ZNF76: variants seen among roughly 807,000 people sequenced by gnomAD.
ZNF76 encodes the protein zinc finger protein 76, also known as zinc finger protein 523.
A neutral mutation model predicts 66.9 loss-of-function variants in ZNF76; 66 were observed. That is an observed-to-expected ratio of 0.99 (90% confidence interval 0.81 to 1.21). The LOEUF is 1.21. Among genes scored for constraint, ZNF76 ranks in the 50% most tolerant of loss-of-function variants. The pLI is 0.00. For synonymous variants in ZNF76, 275 were observed against 296.1 expected (o/e 0.93, Z 0.73); for missense variants, 729 against 760.3 (o/e 0.96, Z 0.48).
intron 1 of ZNF76, among the ~76,000 whole-genome samples, chr6:35,280,620 G>A (rs1252613617): frequency 6.7e-6 from 1 of 149,458 alleles, no homozygotes; most frequent in African/African-American, 2.4e-5. Context: ...CACATTGTGA[G>A]TTCTGTTGAG....
intron 1 of ZNF76, among the ~76,000 whole-genome samples, chr6:35,262,526 C>T (rs1431799246): frequency 6.6e-6 from 1 of 152,204 alleles, no homozygotes; most frequent in African/African-American, 2.4e-5. Flanking sequence ...TCCCACCTCA[C>T]TGGCACTTTA....
intron 12 of ZNF76, 167 bp downstream of exon 12, chr6:35,294,082 T>A: frequency 1.3e-6 from 1 of 772,258 alleles, no homozygotes; most frequent in Non-Finnish European, 2.0e-6. Flanking sequence ...CTCTTACCTT[T>A]AAAAGCAGTT....
chr6:35,273,195 TCTCA>T (rs1787389607), intron 1 of ZNF76, among the ~76,000 whole-genome samples: 3 of 147,508 alleles, frequency 2.0e-5, no homozygotes, highest in African/African-American at 7.4e-5. Flanking sequence ...AAAAAACGAG[TCTCA>T]CTCTGTTGCC....
chr6:35,276,309 A>G (rs981936351), intron 1 of ZNF76, among the ~76,000 whole-genome samples: 4 of 152,220 alleles, frequency 2.6e-5, no homozygotes, highest in African/African-American at 9.6e-5. Context: ...TTAGAAGCCA[A>G]TTCTGTAGAC....
At chr6:35,280,321 A>T (rs1391444857) in intron 1 of ZNF76, among the ~76,000 whole-genome samples, 2 of 152,220 alleles carry the variant, frequency 1.3e-5, no homozygotes, top group African/African-American at 4.8e-5. Flanking sequence ...TGATGGAGCC[A>T]CTGCACTCCA....
At position 35,293,732 on chromosome 6, in the gene ZNF76, C is replaced by G. The variant is rs770486131; in HGVS notation, c.1330-19C>G. ...CCCTCCACTGACACTGCCAGCTCATCTTCCCCTCCTGTTGGCAGGTCAGCC... is the reference window on the plus strand; with the variant it reads ...CCCTCCACTGACACTGCCAGCTCATGTTCCCCTCCTGTTGGCAGGTCAGCC... On this transcript the variant is annotated intron_variant, in intron 11 of 13. Coordinates refer to ENST00000373953, the MANE Select transcript of ZNF76 (RefSeq NM_003427.5). The G allele has an allele frequency of 1.1e-5, 18 of 1,612,050 alleles. No individual in the cohort carries two copies. Among genetic ancestry groups the G allele is most frequent in the Non-Finnish European group, 1.4e-5 (17 of 1,178,766 alleles).
intron 1 of ZNF76, among the ~76,000 whole-genome samples, chr6:35,265,703 C>T (rs541833376): frequency 5.9e-5 from 9 of 151,826 alleles, no homozygotes; most frequent in Non-Finnish European, 1.2e-4. Flanking sequence ...ACACAAAGGC[C>T]CTGAGGCAGG....
At chr6:35,294,027 C>A in intron 12 of ZNF76, 112 bp downstream of exon 12, 1 of 1,330,408 alleles carries the variant, frequency 7.5e-7, no homozygotes. Flanking sequence ...CAAAGATTCC[C>A]CACAAAAGAA....
rs974720142 is a variant in ZNF76 at position 35,278,126 on chromosome 6, G to T, written c.-96-2930G>T. On this transcript the variant is annotated intron_variant, in intron 1 of 13. Transcript: ENST00000373953. ...CCGCCTCAACTTCTCAAAGTGCTGGGATTACAGGTGTGAGCCACCACGCCC... is the reference window on the plus strand; with the variant it reads ...CCGCCTCAACTTCTCAAAGTGCTGGTATTACAGGTGTGAGCCACCACGCCC... Among the ~76,000 whole-genome samples, 73 of 151,988 alleles carry T rather than the reference G, an allele frequency of 4.8e-4. 1 individual carries two copies. Among genetic ancestry groups the T allele is most frequent in the African/African-American group, 1.7e-3 (70 of 41,364 alleles).
intron 1 of ZNF76, among the ~76,000 whole-genome samples, chr6:35,268,313 G>C (rs1786457019): frequency 6.6e-6 from 1 of 152,158 alleles, no homozygotes; most frequent in Admixed American, 6.5e-5. Context: ...TTATTCTTGT[G>C]TCATTTAGAT....
rs1365252551 is a variant in ZNF76, at chr6:35,286,118, C to A, written c.74-10C>A. The A allele has an allele frequency of 6.2e-7, 1 of 1,613,738 alleles. No homozygotes were observed. The highest frequency in any genetic ancestry group is 8.5e-7 in the Non-Finnish European group (1 of 1,179,646). On this transcript the variant is annotated splice_polypyrimidine_tract_variant and intron_variant, in intron 2 of 13. Coordinates refer to ENST00000373953, the MANE Select transcript of ZNF76 (RefSeq NM_003427.5). Reference sequence around the variant, plus strand: ...CCTGGCCCATTTCTCTCTATTTCCACTCTTAACAGGAGAGAAGCTTCTTGA... The same window carrying A: ...CCTGGCCCATTTCTCTCTATTTCCAATCTTAACAGGAGAGAAGCTTCTTGA...
Position 35,294,270 on chromosome 6 carries a change from C to T in ZNF76, c.1495-186C>T, listed in dbSNP as rs538327783. 1.0e-5 allele frequency: 6 copies of T among 597,220 alleles called. No homozygotes were observed. In the East Asian group the frequency reaches 1.4e-4, roughly 14 times the overall value. The allele number at this position is 597,220 out of a possible 1,614,324, so 37.0% of individuals were successfully genotyped here. On this transcript the variant is annotated intron_variant, in intron 12 of 13. Coordinates refer to ENST00000373953, the MANE Select transcript of ZNF76 (RefSeq NM_003427.5). ...TTCAAAATCCCTAAATTAAATTGGG[C>T]TCTAAGTTGGGAGGAAACCCAGCCT...
chr6:35,269,345 C>G (rs2150343733), intron 1 of ZNF76, among the ~76,000 whole-genome samples: 1 of 148,566 alleles, frequency 6.7e-6, no homozygotes, highest in South Asian at 2.2e-4. Flanking sequence ...AGTTCAGAAT[C>G]AGAAGGATTT....
rs1790562295 is a variant in ZNF76, at chr6:35,292,571, T to G, written c.949T>G (p.Cys317Gly). The G allele has an allele frequency of 6.2e-7, 1 of 1,613,416 alleles. No homozygotes were observed. The highest frequency in any genetic ancestry group is 8.5e-7 in the Non-Finnish European group (1 of 1,180,018). ...GTCCCCAGGGGAGAAGCCATACGTTTGCACGGTGCCAGGCTGCGGGAAACG... is the reference window on the plus strand; with the variant it reads ...GTCCCCAGGGGAGAAGCCATACGTTGGCACGGTGCCAGGCTGCGGGAAACG... Reference protein sequence around the residue: ...RIHTGEKPYVCTVPGCGKRFT... With the variant: ...RIHTGEKPYVGTVPGCGKRFT... Residue 317 changes from cysteine (C) to glycine (G), a missense_variant, in exon 10 of 14, where the codon TGC becomes GGC. By Grantham distance (159) the Cys-to-Gly change is radical. Coordinates refer to ENST00000373953, the MANE Select transcript of ZNF76 (RefSeq NM_003427.5). The surrounding 1 kb of genome is among the most constrained non-coding windows in gnomAD (Gnocchi z 4.7).
chr6:35,290,557 A>T, intron 6 of ZNF76, 84 bp from the exon 7 acceptor site: 2 of 1,548,664 alleles, frequency 1.3e-6, no homozygotes, highest in Non-Finnish European at 1.8e-6. Context: ...TACAGGAGGG[A>T]AGAGAATCAG....
chr6:35,262,805 A>T (rs1785443371), intron 1 of ZNF76, among the ~76,000 whole-genome samples: 1 of 152,040 alleles, frequency 6.6e-6, no homozygotes, highest in Admixed American at 6.6e-5. Context: ...TATAACTTGC[A>T]CACCCTCCCA....
At chr6:35,276,306 C>G (rs1026092154) in intron 1 of ZNF76, among the ~76,000 whole-genome samples, 5 of 152,162 alleles carry the variant, frequency 3.3e-5, no homozygotes, top group African/African-American at 1.2e-4. Context: ...AGATTAGAAG[C>G]CAATTCTGTA....
chr6:35,278,398 A>G lies in ZNF76; in HGVS notation c.-96-2658A>G, dbSNP rs1372406099. Among the ~76,000 whole-genome samples, 4 of 152,218 alleles carry G rather than the reference A, an allele frequency of 2.6e-5. No homozygotes were observed. The South Asian group carries it at 8.3e-4, about 32-fold the overall frequency. On this transcript the variant is annotated intron_variant, in intron 1 of 13. Coordinates refer to ENST00000373953, the MANE Select transcript of ZNF76 (RefSeq NM_003427.5). ...AGTCAGGCTGGTCTCGAACTCCTGG[A>G]TGGTCTATAATTTTGCCAAGATATT...
intron 5 of ZNF76, 113 bp from the exon 6 acceptor site, chr6:35,290,153 G>A: frequency 7.3e-7 from 1 of 1,363,814 alleles, no homozygotes; most frequent in African/African-American, 1.4e-5. Flanking sequence ...TGCCCCAGAG[G>A]CCCCTGACAG....
Sources: gnomAD v4.1 joint callset for allele counts (sites outside exome capture counted in the v4.1 genomes callset) on GRCh38, gnomAD v4.1.1 for gene constraint, Gnocchi (gnomAD v3.1) non-coding constraint, MANE v1.5 for transcripts, NCBI Gene and HGNC (gene_info 2026-07-23, HGNC 2026-07-21) for gene names.